Variants in FLT1 observed in about 807,000 individuals in gnomAD.
FLT1 encodes fms related receptor tyrosine kinase 1.
Under a neutral mutation model 156.3 loss-of-function variants are expected in FLT1, and 49 were observed. That is an observed-to-expected ratio of 0.31 (90% CI 0.25 to 0.40). The LOEUF (loss-of-function observed/expected upper bound fraction) is 0.40. FLT1 is among the 10% of genes least tolerant of loss of function. The probability of loss-of-function intolerance (pLI) is 1.00; values close to 1 mark genes in which losing one functional copy is unlikely to be tolerated. For missense variants in FLT1, 1,322 were observed against 1,637.2 expected, an observed-to-expected ratio of 0.81 and a Z score of 3.32; for synonymous variants, 594 against 583.8, an observed-to-expected ratio of 1.02 and a Z score of -0.25.
In FLT1 at chr13:28,334,118, C is replaced by A; in HGVS notation, c.2500G>T (p.Gly834Ter). 6.2e-7 allele frequency: 1 copy of A among 1,611,338 alleles called. No homozygotes were observed. The highest frequency in any genetic ancestry group is 8.5e-7 in the Non-Finnish European group (1 of 1,177,424). ...ACCACTTTTCCAAAAGCCCCTCTTC[C>A]AAGTGATTTGCCTGTAATGAAGAGA... ...RERLKLGKSL[G>*]RGAFGKVVQA... The change falls in exon 18 of 30, where the codon GGA becomes TGA. Residue 834 changes from glycine to a stop codon, truncating the protein, a stop_gained. Coordinates refer to ENST00000282397, the MANE Select transcript of FLT1 (RefSeq NM_002019.4). LOFTEE classifies it high-confidence loss of function.
rs528381809 is a variant in FLT1, at chr13:28,431,144, T to C, written c.980A>G (p.His327Arg). The change falls in exon 7 of 30, where the codon CAT becomes CGT. Residue 327 changes from histidine (H) to arginine (R), a missense_variant. By Grantham distance (29) the His-to-Arg change is conservative. Around this residue, in one of 3 missense-constraint regions of FLT1, gnomAD observed 991 missense variants for 1,254.8 expected, o/e 0.79. Coordinates refer to ENST00000282397, the MANE Select transcript of FLT1 (RefSeq NM_002019.4). Reference protein sequence around the residue: ...PSFKSVNTSVHIYDKAFITVK... With the variant: ...PSFKSVNTSVRIYDKAFITVK... ...CGCTGAACTATGCTTACCATATATA[T>C]GCACTGAGGTGTTAACAGATTTGAA... The C allele has an allele frequency of 3.1e-6, 5 of 1,612,786 alleles. No individual in the cohort carries two copies. The South Asian group carries it at 5.5e-5, about 18-fold the overall frequency.
intron 14 of FLT1, among the ~76,000 whole-genome samples, chr13:28,377,779 C>T (rs1466313445): frequency 1.3e-5 from 2 of 152,168 alleles, no homozygotes; most frequent in Non-Finnish European, 1.5e-5. Flanking sequence ...AAACTTTATA[C>T]ATGTCTAGTT....
intron 3 of FLT1, among the ~76,000 whole-genome samples, chr13:28,445,583 G>T (rs9579179): frequency 0.44 from 67,369 of 151,836 alleles, 15,176 homozygotes; most frequent in South Asian, 0.5. Context: ...GATAAATGCC[G>T]GGAAAGACAC....
At chr13:28,402,780 CGTTAT>C (rs1875532779) in intron 11 of FLT1, among the ~76,000 whole-genome samples, 1 of 151,942 alleles carries the variant, frequency 6.6e-6, no homozygotes, top group African/African-American at 2.4e-5. Flanking sequence ...CGTTACGTTA[CGTTAT>C]GTTATTTATT....
intron 15 of FLT1, among the ~76,000 whole-genome samples, chr13:28,354,696 C>G (rs1288786176): frequency 6.6e-6 from 1 of 151,964 alleles, no homozygotes; most frequent in Non-Finnish European, 1.5e-5. Flanking sequence ...ATATAGCCAT[C>G]ACTTTTATAA....
intron 17 of FLT1, among the ~76,000 whole-genome samples, chr13:28,338,034 C>A (rs554134080): frequency 6.6e-6 from 1 of 152,298 alleles, no homozygotes; most frequent in African/African-American, 2.4e-5. Flanking sequence ...TTCCTCCTGT[C>A]CACAGCCATT....
chr13:28,386,327 A>G, intron 13 of FLT1: 1 of 1,018,532 alleles, frequency 9.8e-7, no homozygotes, highest in Admixed American at 5.5e-5. Flanking sequence ...ATATTATCAC[A>G]TAAATTTTAT....
chr13:28,336,968 G>A (rs1054563941), intron 17 of FLT1, among the ~76,000 whole-genome samples: 1 of 151,700 alleles, frequency 6.6e-6, no homozygotes, highest in African/African-American at 2.4e-5. Flanking sequence ...GGCTGGTCTC[G>A]AACTCCTGAC....
intron 10 of FLT1, among the ~76,000 whole-genome samples, chr13:28,423,117 G>A (rs563256677): frequency 1.6e-4 from 24 of 152,266 alleles, no homozygotes; most frequent in African/African-American, 4.8e-4. Flanking sequence ...CAGGCGGAAC[G>A]TGAAGTTCTA....
At chr13:28,427,136 G>GT in intron 10 of FLT1, 23 bp downstream of exon 10, 1 of 1,609,802 alleles carries the variant, frequency 6.2e-7, no homozygotes, top group South Asian at 1.1e-5. Flanking sequence ...TTGAAAGTTA[G>GT]TAAAAAAACT....
rs185246879 is a variant in FLT1, at chr13:28,424,431, C to T, written c.1436+2728G>A. Among the ~76,000 whole-genome samples, 888 of 152,174 alleles carry T rather than the reference C, an allele frequency of 5.8e-3. 14 individuals carry two copies. Among genetic ancestry groups the T allele is most frequent in the African/African-American group, 0.02 (846 of 41,502 alleles). ...ATTACTCAGTCAAAACTTAGCTCGC[C>T]TTCATAGCATATTTTACTACTTTTT... On this transcript the variant is annotated intron_variant, in intron 10 of 29. Coordinates refer to ENST00000282397, the MANE Select transcript of FLT1 (RefSeq NM_002019.4).
At chr13:28,334,151 G>A (rs147906738) in intron 17 of FLT1, 22 bp from the exon 18 acceptor site, 3 of 1,528,804 alleles carry the variant, frequency 2.0e-6, no homozygotes, top group Non-Finnish European at 2.7e-6. Flanking sequence ...AGAAGACACT[G>A]GTTTGTTTGC....
intron 16 of FLT1, among the ~76,000 whole-genome samples, chr13:28,342,847 A>G (rs1872389292): frequency 6.6e-6 from 1 of 152,242 alleles, no homozygotes; most frequent in African/African-American, 2.4e-5. Flanking sequence ...CTAGAAATTG[A>G]GAAGGCCTTC....
chr13:28,424,269 C>A (rs1402566826), intron 10 of FLT1, among the ~76,000 whole-genome samples: 1 of 151,618 alleles, frequency 6.6e-6, no homozygotes, highest in Non-Finnish European at 1.5e-5. Context: ...AAAAAAAAAA[C>A]TAAAAAGGGA....
In FLT1 at chr13:28,405,800, T is replaced by C. The variant is rs551785213; in HGVS notation, c.1531A>G (p.Ile511Val). 2 of 1,591,012 alleles carry C rather than the reference T, an allele frequency of 1.3e-6. No homozygotes were observed. The highest frequency in any genetic ancestry group is 1.3e-5 in the African/African-American group (1 of 74,562). Residue 511 changes from isoleucine to valine, a missense_variant, in exon 11 of 30, where the codon ATA becomes GTA. Ile to Val is a conservative substitution (Grantham distance 29). Coordinates refer to ENST00000282397, the MANE Select transcript of FLT1 (RefSeq NM_002019.4). ...RIESITQRMAIIEGKNKMAST... is the reference protein window; with the variant it reads ...RIESITQRMAVIEGKNKMAST... ...AATACCTTATTCTTTCCTTCTATTATTGCCATGCGCTGAGTGATGCTCTCA... is the reference window on the plus strand; with the variant it reads ...AATACCTTATTCTTTCCTTCTATTACTGCCATGCGCTGAGTGATGCTCTCA...
chr13:28,483,092 T>C (rs979959740), intron 1 of FLT1, among the ~76,000 whole-genome samples: 1 of 152,196 alleles, frequency 6.6e-6, no homozygotes, highest in African/African-American at 2.4e-5. Context: ...ATGGAGAGGA[T>C]TCTGAAGCCA....
chr13:28,480,705 T>C (rs1880785375), intron 1 of FLT1, among the ~76,000 whole-genome samples: 1 of 152,250 alleles, frequency 6.6e-6, no homozygotes, highest in Admixed American at 6.5e-5. Flanking sequence ...GAACTCTTGT[T>C]TTCCTCAGCC....
chr13:28,305,699 G>A (rs535071566), intron 29 of FLT1, among the ~76,000 whole-genome samples: 29 of 152,328 alleles, frequency 1.9e-4, no homozygotes, highest in African/African-American at 6.0e-4. Context: ...TGGCCCACGG[G>A]CTGCATGAAT....
At chr13:28,492,499 G>C (rs1277478233) in intron 1 of FLT1, among the ~76,000 whole-genome samples, 2 of 152,212 alleles carry the variant, frequency 1.3e-5, no homozygotes, top group African/African-American at 4.8e-5. Flanking sequence ...AAGCGCTTTA[G>C]AGGGGAAAGG....
Sources: allele counts gnomAD v4.1 joint callset (sites outside exome capture counted in the v4.1 genomes callset), GRCh38; gene constraint gnomAD v4.1.1; regional missense constraint gnomAD v4.1.1; transcripts MANE v1.5; gene names NCBI Gene and HGNC (gene_info 2026-07-23, HGNC 2026-07-21).